Variants in C16orf89 observed in about 807,000 individuals in gnomAD.
C16orf89 encodes the protein UPF0764 protein C16orf89.
In C16orf89, 57 loss-of-function variants were observed where a neutral mutation model predicts 41.5. The observed-to-expected ratio is 1.38, with a 90% confidence interval of 1.11 to 1.71. C16orf89 has a LOEUF of 1.71. C16orf89 is among the 40% of genes most tolerant of loss of function. The pLI, the probability that C16orf89 is intolerant of heterozygous loss-of-function variation, is 0.00. For missense variants in C16orf89, 575 were observed against 445.9 expected (o/e 1.29, Z -2.61); for synonymous variants, 223 against 190.6 (o/e 1.17, Z -1.40).
intron 7 of C16orf89, among the ~76,000 whole-genome samples, chr16:5,045,390 T>G (rs1026718195): frequency 6.6e-5 from 10 of 152,164 alleles, no homozygotes; most frequent in Non-Finnish European, 1.5e-4. Flanking sequence ...AGCACTTGCC[T>G]GAGATAATAA....
At position 5,060,441 on chromosome 16, in the gene C16orf89, C is replaced by A; in HGVS notation, c.359-5G>T. On this transcript the variant is annotated splice_polypyrimidine_tract_variant and splice_region_variant and intron_variant, in intron 2 of 7. Transcript: ENST00000472572. ...GCTGGAGGGTCAGCTGGAACTCTGG[C>A]AGAGAGGACAGATAGATGGGGTGGG... The A allele has an allele frequency of 1.2e-6, 2 of 1,609,620 alleles. No homozygotes were observed. The highest frequency in any genetic ancestry group is 1.7e-6 in the Non-Finnish European group (2 of 1,177,796).
At chr16:5,064,303 G>T (rs1956691027) in intron 1 of C16orf89, among the ~76,000 whole-genome samples, 1 of 152,198 alleles carries the variant, frequency 6.6e-6, no homozygotes, top group Non-Finnish European at 1.5e-5. Context: ...CGTAGACCCT[G>T]CCCACTGGGA....
chr16:5,052,678 G>T (rs1327679791), intron 6 of C16orf89, among the ~76,000 whole-genome samples: 1 of 152,116 alleles, frequency 6.6e-6, no homozygotes, highest in Non-Finnish European at 1.5e-5. Flanking sequence ...CACAGTTGAT[G>T]GGAATGTAAA....
At chr16:5,053,747 A>G (rs763641399) in intron 6 of C16orf89, among the ~76,000 whole-genome samples, 1 of 152,140 alleles carries the variant, frequency 6.6e-6, no homozygotes, top group Admixed American at 6.5e-5. Context: ...GAGTTTTGCC[A>G]TGTTGGCCAG....
intron 3 of C16orf89, among the ~76,000 whole-genome samples, chr16:5,059,598 A>C (rs191540903): frequency 1.5e-4 from 23 of 152,266 alleles, no homozygotes; most frequent in Admixed American, 5.9e-4. Flanking sequence ...CGGCCTGGGC[A>C]CCGGCTGCCC....
chr16:5,044,606 C>A (rs1221000771), intron 7 of C16orf89, 128 bp from the exon 8 acceptor site: 15 of 1,498,430 alleles, frequency 1.0e-5, no homozygotes, highest in Admixed American at 2.0e-5. Flanking sequence ...CTTTGGGAGC[C>A]TGAGGTGGGC....
Position 5,056,123 on chromosome 16 carries a change from C to T in C16orf89, c.693G>A (p.Met231Ile), listed in dbSNP as rs754425569. ...CCTCAGCTCTGCGGTTCAAGTCCAT[C>T]ATGTTGGCGCAGAAGAGGTTGATAT... ...QDYINLFCAN[M>I]MDLNRRAEAI... is the part of the protein sequence containing the mutation. Residue 231 changes from methionine (M) to isoleucine (I), a missense_variant, in exon 5 of 8, where the codon ATG becomes ATA. Coordinates refer to ENST00000472572, the MANE Select transcript of C16orf89 (RefSeq NM_001098514.3). 1 of 1,599,530 alleles carries T rather than the reference C, an allele frequency of 6.3e-7. No individual in the cohort carries two copies. Among genetic ancestry groups the T allele is most frequent in the East Asian group, 2.3e-5 (1 of 44,340 alleles).
At chr16:5,049,976 CAAGTA>C (rs1159937905) in intron 6 of C16orf89, among the ~76,000 whole-genome samples, 7 of 152,102 alleles carry the variant, frequency 4.6e-5, no homozygotes, top group African/African-American at 1.4e-4. Flanking sequence ...AGAAAAGACT[CAAGTA>C]AATGAAATCA....
At chr16:5,057,481 A>G (rs934953330) in intron 4 of C16orf89, among the ~76,000 whole-genome samples, 19 of 146,344 alleles carry the variant, frequency 1.3e-4, no homozygotes, top group African/African-American at 3.5e-4. Flanking sequence ...GTGTGTGTGT[A>G]TATATATATA....
intron 6 of C16orf89, 149 bp from the exon 7 acceptor site, chr16:5,048,113 G>A (rs1218314811): frequency 4.4e-5 from 26 of 590,710 alleles, no homozygotes; most frequent in Non-Finnish European, 6.3e-5. Context: ...CCACAACCTC[G>A]AACTCCCAAG....
chr16:5,044,055 A>T, downstream of C16orf89: 2 of 909,746 alleles, frequency 2.2e-6, no homozygotes, highest in Middle Eastern at 4.6e-4. Flanking sequence ...GGGATTGGAG[A>T]GTTGAAACAG....
At chr16:5,062,260 G>T (rs930559357) in intron 2 of C16orf89, among the ~76,000 whole-genome samples, 165 bp downstream of exon 2, 1 of 152,158 alleles carries the variant, frequency 6.6e-6, no homozygotes, top group African/African-American at 2.4e-5. Flanking sequence ...AAGGATGACC[G>T]CACGTCCCCA....
intron 7 of C16orf89, among the ~76,000 whole-genome samples, chr16:5,046,912 A>T (rs1761617783): frequency 1.3e-5 from 2 of 152,194 alleles, no homozygotes; most frequent in South Asian, 4.1e-4. Context: ...CTCCAAGACA[A>T]CAGGTGTAAA....
chr16:5,063,510 G>GT lies in C16orf89; in HGVS notation c.209-937dup, dbSNP rs992139968. 1.8e-4 allele frequency among the ~76,000 whole-genome samples: 28 copies of GT among 152,306 alleles called. No homozygotes were observed. In the Middle Eastern group the frequency reaches 0.01, roughly 56 times the overall value. The stretch of plus-strand genomic sequence containing the variant: ...TAGGAATGGGGCCGCACAGCAGGAG[G>GT]TGAGTGGTGGGTGAGCGAGCTAAGC... On this transcript the variant is annotated intron_variant, in intron 1 of 7. Transcript: ENST00000472572.
chr16:5,052,239 C>G (rs1013228947), intron 6 of C16orf89, among the ~76,000 whole-genome samples: 2 of 151,984 alleles, frequency 1.3e-5, no homozygotes, highest in Non-Finnish European at 2.9e-5. Context: ...CAGAGAAACG[C>G]AAATCAAACC....
chr16:5,064,998 C>T (rs1003175350), intron 1 of C16orf89, among the ~76,000 whole-genome samples: 2 of 152,226 alleles, frequency 1.3e-5, no homozygotes, highest in Admixed American at 1.3e-4. Flanking sequence ...ACAGCTTTTG[C>T]TATCACATGC....
intron 4 of C16orf89, among the ~76,000 whole-genome samples, 160 bp downstream of exon 4, chr16:5,058,333 A>G (rs1317278612): frequency 6.6e-6 from 1 of 151,726 alleles, no homozygotes; most frequent in Non-Finnish European, 1.5e-5. Context: ...GGGTTTCACC[A>G]TGTTGGCCCA....
At chr16:5,049,026 G>T (rs1319303468) in intron 6 of C16orf89, among the ~76,000 whole-genome samples, 1 of 152,100 alleles carries the variant, frequency 6.6e-6, no homozygotes, top group Non-Finnish European at 1.5e-5. Flanking sequence ...AGTGAGAAAA[G>T]ATCTTCCACA....
chr16:5,059,391 G>A (rs930269308), intron 3 of C16orf89, among the ~76,000 whole-genome samples: 2 of 151,832 alleles, frequency 1.3e-5, no homozygotes, highest in Non-Finnish European at 2.9e-5. Flanking sequence ...ACTTGAACCT[G>A]GTAGGAGGAG....
Sources: gnomAD v4.1 joint callset for allele counts (sites outside exome capture counted in the v4.1 genomes callset) on GRCh38, gnomAD v4.1.1 for gene constraint, MANE v1.5 for transcripts, NCBI Gene and HGNC (gene_info 2026-07-23, HGNC 2026-07-21) for gene names.